FIRRM: variants seen among roughly 807,000 people sequenced by gnomAD.
FIRRM encodes the protein FIGNL1 interacting regulator of recombination and mitosis.
chr1:169,806,125 G>T, the FIRRM span: 1 of 1,192,384 alleles, frequency 8.4e-7, no homozygotes, highest in Non-Finnish European at 1.2e-6. Context: ...TTTAGAAAAT[G>T]TTTTCCATAT....
the FIRRM span, among the ~76,000 whole-genome samples, chr1:169,807,372 A>G: frequency 6.6e-6 from 1 of 152,228 alleles, no homozygotes; most frequent in Non-Finnish European, 1.5e-5. Flanking sequence ...CCCTAAGAAT[A>G]AGTTAGATTA....
At chr1:169,830,142 G>A in the FIRRM span, 1 of 797,120 alleles carries the variant, frequency 1.3e-6, no homozygotes, top group Non-Finnish European at 2.0e-6. Flanking sequence ...CTCCCCCATT[G>A]AGGATCTGTT....
At chr1:169,826,124 G>T in the FIRRM span, 34 of 298,634 alleles carry the variant, frequency 1.1e-4, no homozygotes, top group Non-Finnish European at 2.3e-4. Context: ...CTAGGCTGGA[G>T]TGCAATGGCG....
At chr1:169,808,029 T>G in the FIRRM span, 1 of 1,130,824 alleles carries the variant, frequency 8.8e-7, no homozygotes, top group Non-Finnish European at 1.2e-6. Flanking sequence ...TTAAGAGGAT[T>G]TTAATTTATT....
chr1:169,793,187 T>G, the FIRRM span: 25 of 1,614,052 alleles, frequency 1.5e-5, 1 homozygote, highest in South Asian at 2.7e-4. Flanking sequence ...AAAGGTACAT[T>G]CCCAGATTTT....
the FIRRM span, among the ~76,000 whole-genome samples, chr1:169,811,860 A>ATTATCTATC: frequency 6.6e-6 from 1 of 151,674 alleles, no homozygotes; most frequent in East Asian, 1.9e-4. Flanking sequence ...TAGATAATAG[A>ATTATCTATC]TAGATAGATT....
At chr1:169,793,141 T>G in the FIRRM span, 1 of 1,614,172 alleles carries the variant, frequency 6.2e-7, no homozygotes, top group Non-Finnish European at 8.5e-7. Context: ...TCCCAGCAAA[T>G]TTCACTTTGG....
chr1:169,791,405 G>A, the FIRRM span, among the ~76,000 whole-genome samples: 1 of 152,122 alleles, frequency 6.6e-6, no homozygotes, highest in African/African-American at 2.4e-5. Flanking sequence ...TTTCATCTTA[G>A]CGTAGTAAGA....
At chr1:169,847,542 G>T in the FIRRM span, 1 of 559,184 alleles carries the variant, frequency 1.8e-6, no homozygotes, top group Non-Finnish European at 3.2e-6. Flanking sequence ...TTCTACCAGT[G>T]AAGTTCAGGG....
the FIRRM span, chr1:169,792,517 C>G: frequency 7.3e-7 from 1 of 1,369,886 alleles, no homozygotes; most frequent in East Asian, 2.4e-5. Flanking sequence ...AAACAGAAAT[C>G]AAACACTCAA....
chr1:169,791,210 A>C, the FIRRM span, among the ~76,000 whole-genome samples: 1 of 152,206 alleles, frequency 6.6e-6, no homozygotes, highest in Non-Finnish European at 1.5e-5. Flanking sequence ...GCTAGGTATA[A>C]GCATCTGGCT....
At chr1:169,845,834 T>C in the FIRRM span, among the ~76,000 whole-genome samples, 1 of 152,218 alleles carries the variant, frequency 6.6e-6, no homozygotes, top group Non-Finnish European at 1.5e-5. Context: ...TGGAATCAAC[T>C]TCTAATTCCT....
the FIRRM span, chr1:169,794,942 T>G: frequency 2.2e-3 from 1,334 of 616,444 alleles, 12 homozygotes; most frequent in African/African-American, 0.019. Context: ...GAAGCCCGAC[T>G]TTCTTTCCGG....
the FIRRM span, among the ~76,000 whole-genome samples, chr1:169,801,432 C>T: frequency 4.2e-5 from 5 of 118,780 alleles, no homozygotes; most frequent in African/African-American, 1.0e-4. Flanking sequence ...GCAATAAGAG[C>T]GATGCTCCGT....
At chr1:169,787,546 C>T in the FIRRM span, among the ~76,000 whole-genome samples, 1 of 152,298 alleles carries the variant, frequency 6.6e-6, no homozygotes, top group East Asian at 1.9e-4. Context: ...CCACCTTGCT[C>T]CTCGGCTATA....
chr1:169,845,934 A>G, the FIRRM span, among the ~76,000 whole-genome samples: 3 of 152,122 alleles, frequency 2.0e-5, no homozygotes, highest in African/African-American at 7.2e-5. Flanking sequence ...AAGGTTTCCA[A>G]TTTACTTTGT....
the FIRRM span, chr1:169,842,411 C>T: frequency 6.2e-6 from 10 of 1,610,670 alleles, no homozygotes; most frequent in South Asian, 1.0e-4. Flanking sequence ...TGTTTCTGTC[C>T]TTCAGAACAC....
the FIRRM span, chr1:169,852,637 T>C: frequency 1.4e-6 from 1 of 708,636 alleles, no homozygotes; most frequent in East Asian, 2.7e-5. Flanking sequence ...CATATTTTTC[T>C]AGATGACTGT....
the FIRRM span, chr1:169,850,042 A>G: frequency 1.8e-6 from 1 of 552,460 alleles, no homozygotes; most frequent in Admixed American, 3.1e-5. Context: ...AAGCATTAGT[A>G]TGACCCAGCA....
Sources: gnomAD v4.1 joint callset for allele counts (sites outside exome capture counted in the v4.1 genomes callset) on GRCh38, gnomAD v4.1.1 for gene constraint, MANE v1.5 for transcripts, NCBI Gene and HGNC (gene_info 2026-07-23, HGNC 2026-07-21) for gene names.